The following SLC39A11 variants were observed in gnomAD, a reference collection of about 807,000 sequenced individuals.
SLC39A11 encodes the protein solute carrier family 39 member 11.
Under a neutral mutation model 36.1 loss-of-function variants are expected in SLC39A11, and 33 were observed. The ratio of observed to expected loss-of-function variants is 0.91; its 90% confidence interval spans 0.69 to 1.22. The LOEUF is 1.22. Among genes scored for constraint, SLC39A11 ranks in the 50% most tolerant of loss-of-function variants. The pLI, the probability that SLC39A11 is intolerant of heterozygous loss-of-function variation, is 0.00. For missense variants in SLC39A11, 432 were observed against 430.3 expected, an observed-to-expected ratio of 1.00 and a Z score of -0.03; for synonymous variants, 166 against 170.3, an observed-to-expected ratio of 0.97 and a Z score of 0.20.
In SLC39A11 at chr17:73,061,143, C is replaced by T. The variant is rs185340078; in HGVS notation, c.147+23665G>A. Among the ~76,000 whole-genome samples the T allele has an allele frequency of 1.1e-4, 17 of 152,216 alleles. No homozygotes were observed. In the East Asian group the frequency reaches 3.3e-3, roughly 29 times the overall value. ...TTGGGAGGCCAAGGCAGGCAGATCC[C>T]AAGGTCAGGAGTTCGAGACCAACCT... On this transcript the variant is annotated intron_variant, in intron 3 of 9. Coordinates refer to ENST00000255559, the MANE Select transcript of SLC39A11 (RefSeq NM_139177.4).
chr17:72,672,088 A>G (rs2071048238), intron 7 of SLC39A11, among the ~76,000 whole-genome samples: 1 of 152,246 alleles, frequency 6.6e-6, no homozygotes, highest in South Asian at 2.1e-4. Context: ...GTTGATGGAT[A>G]TGCTAACAAA....
intron 3 of SLC39A11, among the ~76,000 whole-genome samples, chr17:73,033,189 G>A (rs2143061137): frequency 6.6e-6 from 1 of 152,306 alleles, no homozygotes; most frequent in Non-Finnish European, 1.5e-5. Flanking sequence ...AGCTCCCGCG[G>A]TAATCCTCAC....
chr17:72,904,578 G>A (rs920780535), intron 5 of SLC39A11, among the ~76,000 whole-genome samples: 5 of 152,158 alleles, frequency 3.3e-5, no homozygotes, highest in African/African-American at 9.7e-5. Context: ...CAGCAACAAG[G>A]AAGGTCCCAG....
chr17:73,010,929 T>G (rs974076180), intron 4 of SLC39A11, among the ~76,000 whole-genome samples: 2 of 152,230 alleles, frequency 1.3e-5, no homozygotes, highest in South Asian at 4.1e-4. Flanking sequence ...TCTCCTCTGA[T>G]CTTCACAACC....
intron 7 of SLC39A11, among the ~76,000 whole-genome samples, chr17:72,696,116 G>T (rs1158929761): frequency 6.6e-6 from 1 of 152,084 alleles, no homozygotes; most frequent in African/African-American, 2.4e-5. Context: ...GAGGAAAAAA[G>T]TGTATATAAT....
At chr17:73,024,654 T>A (rs2058468588) in intron 4 of SLC39A11, among the ~76,000 whole-genome samples, 1 of 152,088 alleles carries the variant, frequency 6.6e-6, no homozygotes, top group South Asian at 2.1e-4. Context: ...ATTTGTTCTC[T>A]CAATAGCAGC....
chr17:72,726,485 T>C (rs2073938890), intron 7 of SLC39A11, among the ~76,000 whole-genome samples: 1 of 152,052 alleles, frequency 6.6e-6, no homozygotes, highest in Non-Finnish European at 1.5e-5. Context: ...CACTGCGGCC[T>C]GAGCAACAGA....
chr17:72,727,542 C>T (rs1264890966), intron 7 of SLC39A11, among the ~76,000 whole-genome samples: 1 of 151,032 alleles, frequency 6.6e-6, no homozygotes, highest in South Asian at 2.1e-4. Context: ...CTCCCAGCTA[C>T]TCGGGAGGCA....
chr17:72,905,200 A>G (rs1482327365), intron 5 of SLC39A11, among the ~76,000 whole-genome samples: 3 of 146,346 alleles, frequency 2.0e-5, no homozygotes, highest in African/African-American at 2.5e-5. Context: ...AAAAAAAAAG[A>G]TAGCACAGGC....
intron 5 of SLC39A11, among the ~76,000 whole-genome samples, chr17:72,913,723 G>A (rs1484776029): frequency 3.3e-5 from 5 of 152,006 alleles, no homozygotes; most frequent in Non-Finnish European, 7.4e-5. Flanking sequence ...GGCATGGTGG[G>A]GTTATCTGCT....
chr17:72,963,193 T>C lies in SLC39A11; in HGVS notation c.307-15318A>G, dbSNP rs1261853925. Among the ~76,000 whole-genome samples the C allele has an allele frequency of 7.1e-5, 8 of 113,204 alleles. No homozygotes were observed. In the South Asian group the frequency reaches 1.1e-3, roughly 16 times the overall value. 74.3% of individuals were successfully genotyped at this position (113,204 alleles called of 152,430 possible). ...TCTTTTTTTTTTTTTTTTTTTGAGA[T>C]GGAGTCTCACTCTGTCCCCCAGGCT... On this transcript the variant is annotated intron_variant, in intron 4 of 9. Transcript: ENST00000255559.
rs77205198 is a variant in SLC39A11, at chr17:72,986,542, A to C, written c.307-38667T>G. 3.4e-4 allele frequency among the ~76,000 whole-genome samples: 52 copies of C among 152,222 alleles called. No homozygotes were observed. The East Asian group carries it at 8.7e-3, about 25-fold the overall frequency. On this transcript the variant is annotated intron_variant, in intron 4 of 9. Coordinates refer to ENST00000255559, the MANE Select transcript of SLC39A11 (RefSeq NM_139177.4). ...GGTCCCATTACTGCCACACTGCTGCACCCTCCACCCCCAGCTAGCCCGAGG... is the reference window on the plus strand; with the variant it reads ...GGTCCCATTACTGCCACACTGCTGCCCCCTCCACCCCCAGCTAGCCCGAGG...
At position 72,693,584 on chromosome 17, in the gene SLC39A11, G is replaced by A. The variant is rs181845588; in HGVS notation, c.671+43066C>T. On this transcript the variant is annotated intron_variant, in intron 7 of 9. Coordinates refer to ENST00000255559, the MANE Select transcript of SLC39A11 (RefSeq NM_139177.4). ...GCTTTCCAAGCGTGGCAGATCTCAC[G>A]AAAGCCGCTGCACGCTCAGCAGCAC... 2.1e-3 allele frequency among the ~76,000 whole-genome samples: 315 copies of A among 152,254 alleles called. 1 individual carries two copies. The highest frequency in any genetic ancestry group is 6.8e-3 in the African/African-American group (282 of 41,536).
intron 4 of SLC39A11, among the ~76,000 whole-genome samples, chr17:73,005,409 T>C (rs946494539): frequency 6.6e-6 from 1 of 152,218 alleles, no homozygotes; most frequent in Non-Finnish European, 1.5e-5. Context: ...ACCTACTGCA[T>C]GCCTGACTGT....
intron 4 of SLC39A11, among the ~76,000 whole-genome samples, chr17:72,989,953 A>G (rs1179290827): frequency 2.0e-5 from 3 of 152,212 alleles, no homozygotes; most frequent in Non-Finnish European, 4.4e-5. Context: ...TATTCTTTCG[A>G]TGAGACGTCA....
In SLC39A11 at chr17:72,882,686, T is replaced by C. The variant is rs947264713; in HGVS notation, c.431-32882A>G. On this transcript the variant is annotated intron_variant, in intron 5 of 9. Transcript: ENST00000255559. The stretch of plus-strand genomic sequence containing the variant: ...TTTAACCTAGTAGTCTTGAGTTTCA[T>C]CTGGAACTCTAATCATTGGCAAGGA... Among the ~76,000 whole-genome samples, 17 of 152,198 alleles carry C rather than the reference T, an allele frequency of 1.1e-4. 1 individual carries two copies. The highest frequency in any genetic ancestry group is 1.6e-4 in the Non-Finnish European group (11 of 68,038).
chr17:73,061,811 A>G (rs2059847789), intron 3 of SLC39A11, among the ~76,000 whole-genome samples: 1 of 152,158 alleles, frequency 6.6e-6, no homozygotes, highest in African/African-American at 2.4e-5. Context: ...CCTAGGCAAC[A>G]TGGTGAAACC....
chr17:72,773,922 C>T (rs2076045104), intron 6 of SLC39A11, among the ~76,000 whole-genome samples: 1 of 152,196 alleles, frequency 6.6e-6, no homozygotes, highest in Non-Finnish European at 1.5e-5. Flanking sequence ...CAGCCTGTCC[C>T]ACAGATGAGC....
At chr17:72,873,419 T>C (rs1408427812) in intron 5 of SLC39A11, among the ~76,000 whole-genome samples, 1 of 151,582 alleles carries the variant, frequency 6.6e-6, no homozygotes, top group African/African-American at 2.4e-5. Context: ...CCTCCAAATA[T>C]GTGAGGAGGA....
Sources: allele counts gnomAD v4.1 joint callset (sites outside exome capture counted in the v4.1 genomes callset), GRCh38; gene constraint gnomAD v4.1.1; transcripts MANE v1.5; gene names NCBI Gene and HGNC (gene_info 2026-07-23, HGNC 2026-07-21).